The following GRK7 variants were observed in gnomAD, a reference collection of about 807,000 sequenced individuals.
The protein encoded by GRK7 is rhodopsin kinase GRK7.
In GRK7, 24 loss-of-function variants were observed where a neutral mutation model predicts 34.1. That is an observed-to-expected ratio of 0.70 (90% CI 0.51 to 0.99). The LOEUF (loss-of-function observed/expected upper bound fraction) is 0.99, where lower values mean the gene tolerates loss of function less well. Ranked by LOEUF, GRK7 falls within the 50% of genes least tolerant of loss-of-function variation. The pLI, the probability that GRK7 is intolerant of heterozygous loss-of-function variation, is 0.00. For missense variants in GRK7, 644 were observed against 707.3 expected (o/e 0.91, Z 1.02); for synonymous variants, 256 against 279.4 (o/e 0.92, Z 0.84).
At chr3:141,784,914 A>C (rs1174069035) in intron 4 of GRK7, among the ~76,000 whole-genome samples, 1 of 152,216 alleles carries the variant, frequency 6.6e-6, no homozygotes, top group Non-Finnish European at 1.5e-5. Context: ...AAGAAGAGAA[A>C]GACCTGAGCT....
At chr3:141,810,084 G>C (rs1250313467) in intron 5 of GRK7, among the ~76,000 whole-genome samples, 1 of 152,148 alleles carries the variant, frequency 6.6e-6, no homozygotes, top group African/African-American at 2.4e-5. Context: ...GGATAGGCCT[G>C]ATCCAATCAG....
At chr3:141,766,566 A>G (rs907394238) in intron 1 of GRK7, among the ~76,000 whole-genome samples, 3 of 152,224 alleles carry the variant, frequency 2.0e-5, no homozygotes, top group African/African-American at 7.2e-5. Context: ...CGAAATTTCT[A>G]ATAAATACTT....
chr3:141,756,005 G>C, the GRK7 span, among the ~76,000 whole-genome samples: 1 of 120,630 alleles, frequency 8.3e-6, no homozygotes. Flanking sequence ...CTACTCAGCA[G>C]TTTAAAAAAA....
chr3:141,763,391 C>T (rs1163340756), upstream of GRK7, among the ~76,000 whole-genome samples: 1 of 152,166 alleles, frequency 6.6e-6, no homozygotes, highest in Non-Finnish European at 1.5e-5. Context: ...GAGCAACTTT[C>T]AAAGTTCTTG....
At chr3:141,771,410 T>A (rs2084616329) in intron 1 of GRK7, among the ~76,000 whole-genome samples, 1 of 134,992 alleles carries the variant, frequency 7.4e-6, no homozygotes, top group South Asian at 2.5e-4. Flanking sequence ...TGTACATATG[T>A]ACTTAGAGAG....
the GRK7 span, among the ~76,000 whole-genome samples, chr3:141,754,215 C>G: frequency 6.6e-6 from 1 of 152,200 alleles, no homozygotes; most frequent in African/African-American, 2.4e-5. Flanking sequence ...AGGGCTGGTA[C>G]AGCAGGTCAG....
At chr3:141,776,055 C>T (rs538932080) in intron 2 of GRK7, among the ~76,000 whole-genome samples, 17 of 152,020 alleles carry the variant, frequency 1.1e-4, no homozygotes, top group African/African-American at 1.9e-4. Flanking sequence ...GAGGCCGAGA[C>T]GGGCAGATCA....
In GRK7 at chr3:141,774,686, CAAAACTTT is replaced by C. The variant is rs939276740; in HGVS notation, c.-114+11_-114+18del. 4.0e-5 allele frequency among the ~76,000 whole-genome samples: 6 copies of C among 151,846 alleles called. No individual in the cohort carries two copies. The highest frequency in any genetic ancestry group is 8.8e-5 in the Non-Finnish European group (6 of 67,966). ...ATTTTTCACTGTATTGTCAGGTGAGCAAAACTTTAAAAATAATGGTAGGTACCATATTA... is the reference window on the plus strand; with the variant it reads ...ATTTTTCACTGTATTGTCAGGTGAGCAAAAATAATGGTAGGTACCATATTA... On this transcript the variant is annotated splice_region_variant and intron_variant, in intron 2 of 5. Transcript: ENST00000682958.
At chr3:141,755,715 C>G in the GRK7 span, among the ~76,000 whole-genome samples, 2 of 151,904 alleles carry the variant, frequency 1.3e-5, no homozygotes, top group African/African-American at 2.4e-5. Flanking sequence ...GGAATTGGAA[C>G]TCTTTCATTC....
At chr3:141,770,792 C>T (rs1326953429) in intron 1 of GRK7, among the ~76,000 whole-genome samples, 2 of 152,030 alleles carry the variant, frequency 1.3e-5, no homozygotes, top group African/African-American at 2.4e-5. Flanking sequence ...AATGCTTATA[C>T]ACTTTTGAGG....
chr3:141,799,902 C>T (rs1190347498), intron 4 of GRK7, among the ~76,000 whole-genome samples: 6 of 152,158 alleles, frequency 3.9e-5, no homozygotes, highest in Non-Finnish European at 7.4e-5. Flanking sequence ...CACCTTCTAC[C>T]GAGCAACTTA....
chr3:141,792,270 AG>A (rs2084728068), intron 4 of GRK7, among the ~76,000 whole-genome samples: 1 of 151,816 alleles, frequency 6.6e-6, no homozygotes, highest in Non-Finnish European at 1.5e-5. Flanking sequence ...CGGGCATTGT[AG>A]CACATGCCTG....
intron 4 of GRK7, among the ~76,000 whole-genome samples, chr3:141,784,292 C>A (rs2084685663): frequency 6.6e-6 from 1 of 152,204 alleles, no homozygotes; most frequent in Non-Finnish European, 1.5e-5. Flanking sequence ...AGGCTCACTG[C>A]CTACAGACCT....
chr3:141,801,637 AATT>A, intron 4 of GRK7, among the ~76,000 whole-genome samples: 1 of 152,324 alleles, frequency 6.6e-6, no homozygotes, highest in East Asian at 1.9e-4. Context: ...AATATTAAAT[AATT>A]ATTCTTATTT....
At chr3:141,800,217 C>G (rs1001384650) in intron 4 of GRK7, among the ~76,000 whole-genome samples, 1 of 151,814 alleles carries the variant, frequency 6.6e-6, no homozygotes, top group Non-Finnish European at 1.5e-5. Context: ...TCTCAGTTCC[C>G]CAAATGAGAG....
At position 141,780,135 on chromosome 3, in the gene GRK7, T is replaced by C. The variant is rs543793818; in HGVS notation, c.613-239T>C. On this transcript the variant is annotated intron_variant, in intron 3 of 5. Coordinates refer to ENST00000682958, the MANE Select transcript of GRK7 (RefSeq NM_139209.3). The stretch of plus-strand genomic sequence containing the variant: ...CACCAGCAATGCTTAAAGGTTTCGA[T>C]TTCTCCACATCCTTGCCAACACTTG... Among the ~76,000 whole-genome samples the C allele has an allele frequency of 3.9e-5, 6 of 152,346 alleles. No individual in the cohort carries two copies. In the South Asian group the frequency reaches 1.2e-3, roughly 32 times the overall value.
the GRK7 span, among the ~76,000 whole-genome samples, chr3:141,757,129 C>CTTTTTTTTTTTTTTTTCTTTTT: frequency 9.9e-6 from 1 of 101,360 alleles, no homozygotes; most frequent in Non-Finnish European, 1.9e-5. Flanking sequence ...AGATCTTCTT[C>CTTTTTTTTTTTTTTTTCTTTTT]TTTTTTTTTT....
At chr3:141,807,145 C>A (rs2107893603) in intron 4 of GRK7, among the ~76,000 whole-genome samples, 1 of 152,196 alleles carries the variant, frequency 6.6e-6, no homozygotes, top group Non-Finnish European at 1.5e-5. Context: ...AATGTTATTA[C>A]ATAGCACACA....
chr3:141,769,642 A>G (rs2084606962), intron 1 of GRK7, among the ~76,000 whole-genome samples: 1 of 152,156 alleles, frequency 6.6e-6, no homozygotes, highest in Non-Finnish European at 1.5e-5. Flanking sequence ...GACTCACCCC[A>G]TGCAAGCTCT....
Sources: allele counts gnomAD v4.1 joint callset (sites outside exome capture counted in the v4.1 genomes callset), GRCh38; gene constraint gnomAD v4.1.1; transcripts MANE v1.5; gene names NCBI Gene and HGNC (gene_info 2026-07-23, HGNC 2026-07-21).